The following KCNT2 variants were observed in gnomAD, a reference collection of about 807,000 sequenced individuals.
KCNT2 encodes potassium channel subfamily T member 2.
In KCNT2, 67 loss-of-function variants were observed where a neutral mutation model predicts 153.8. The ratio of observed to expected loss-of-function variants is 0.44; its 90% confidence interval spans 0.36 to 0.53. The LOEUF (loss-of-function observed/expected upper bound fraction) is 0.53. Ranked by LOEUF, KCNT2 falls within the 20% of genes least tolerant of loss-of-function variation. The pLI is 0.00. For synonymous variants in KCNT2, 500 were observed against 458.8 expected (o/e 1.09, Z -1.15); for missense variants, 975 against 1,354.8 (o/e 0.72, Z 4.40).
rs139578473 is a variant in KCNT2 at position 196,279,245 on chromosome 1, T to C, written c.2910+1615A>G. Among the ~76,000 whole-genome samples the C allele has an allele frequency of 1.2e-4, 18 of 152,240 alleles. No individual in the cohort carries two copies. The East Asian group carries it at 3.5e-3, about 29-fold the overall frequency. On this transcript the variant is annotated intron_variant, in intron 25 of 27. Coordinates refer to ENST00000294725, the MANE Select transcript of KCNT2 (RefSeq NM_198503.5). Reference sequence around the variant, plus strand: ...GTTTTGAATCCAGTATTCTTAAAATTTTAGGCATATCTAGACAAACATCTT... The same window carrying C: ...GTTTTGAATCCAGTATTCTTAAAATCTTAGGCATATCTAGACAAACATCTT...
intron 11 of KCNT2, among the ~76,000 whole-genome samples, chr1:196,423,483 GA>G (rs1385710149): frequency 6.6e-6 from 1 of 151,718 alleles, no homozygotes; most frequent in Non-Finnish European, 1.5e-5. Context: ...ATCAAACTAA[GA>G]GGGGTGGAAT....
chr1:196,477,816 G>T (rs754113967), intron 5 of KCNT2, among the ~76,000 whole-genome samples: 1 of 152,200 alleles, frequency 6.6e-6, no homozygotes, highest in African/African-American at 2.4e-5. Context: ...ATCAACATAA[G>T]CCTTAGTTTC....
intron 1 of KCNT2, among the ~76,000 whole-genome samples, chr1:196,494,644 A>C (rs1680116455): frequency 6.6e-6 from 1 of 152,164 alleles, no homozygotes; most frequent in Admixed American, 6.5e-5. Flanking sequence ...GGCGCAGAGG[A>C]GCATTTTTTA....
At chr1:196,252,305 T>A (rs778050317) in intron 26 of KCNT2, among the ~76,000 whole-genome samples, 1 of 151,772 alleles carries the variant, frequency 6.6e-6, no homozygotes, top group African/African-American at 2.4e-5. Flanking sequence ...GCAGACCATA[T>A]GATAACTGTT....
chr1:196,358,955 G>T (rs907537605), intron 14 of KCNT2, among the ~76,000 whole-genome samples: 9 of 151,942 alleles, frequency 5.9e-5, no homozygotes, highest in African/African-American at 1.9e-4. Context: ...AAAGCAAAAA[G>T]AAATTAGACT....
At chr1:196,543,715 G>C (rs998333695) in intron 1 of KCNT2, among the ~76,000 whole-genome samples, 2 of 152,046 alleles carry the variant, frequency 1.3e-5, no homozygotes, top group Non-Finnish European at 2.9e-5. Flanking sequence ...ACACTTATCA[G>C]ATGGCCAAAA....
At chr1:196,259,620 A>G (rs1426916654) in intron 25 of KCNT2, 1 of 151,980 alleles carries the variant, frequency 6.6e-6, no homozygotes, top group Non-Finnish European at 1.5e-5. Context: ...AGATCCAATA[A>G]AATCCTTTAA....
chr1:196,567,567 C>A (rs1178773980), intron 1 of KCNT2, among the ~76,000 whole-genome samples: 1 of 152,158 alleles, frequency 6.6e-6, no homozygotes, highest in Non-Finnish European at 1.5e-5. Context: ...TATTCATTAT[C>A]TGGAAGAATA....
At chr1:196,338,660 A>C (rs1367636519) in intron 16 of KCNT2, among the ~76,000 whole-genome samples, 2 of 151,956 alleles carry the variant, frequency 1.3e-5, no homozygotes, top group Non-Finnish European at 2.9e-5. Context: ...TATATTTAAA[A>C]ATTTTTACTC....
In KCNT2 at chr1:196,375,979, G is replaced by GA. The variant is rs201302057; in HGVS notation, c.1295-2732dup. ...ATCACAGAGAGCTAAAACTCAATCT[G>GA]AAAAATAGAACTGCTTCTATATCTA... On this transcript the variant is annotated intron_variant, in intron 13 of 27. Transcript: ENST00000294725. 1.6e-3 allele frequency among the ~76,000 whole-genome samples: 244 copies of GA among 151,848 alleles called. 6 individuals are homozygous for GA. The East Asian group carries it at 0.042, about 26-fold the overall frequency.
intron 8 of KCNT2, 94 bp from the exon 9 acceptor site, chr1:196,429,851 A>T (rs1673980915): frequency 2.5e-6 from 2 of 784,792 alleles, no homozygotes; most frequent in Non-Finnish European, 4.0e-6. Flanking sequence ...ACATTTCATA[A>T]AGCCATTTAA....
At chr1:196,508,189 CAAAAAAAAAAAA>C (rs10539910) in intron 1 of KCNT2, among the ~76,000 whole-genome samples, 2 of 59,986 alleles carry the variant, frequency 3.3e-5, no homozygotes, top group Non-Finnish European at 6.0e-5. Context: ...CCCTAAGTAG[CAAAAAAAAAAAA>C]AAAAAAAAAA....
At chr1:196,595,437 A>G (rs1192484365) in intron 1 of KCNT2, among the ~76,000 whole-genome samples, 1 of 152,082 alleles carries the variant, frequency 6.6e-6, no homozygotes, top group Non-Finnish European at 1.5e-5. Flanking sequence ...ATATATCTCT[A>G]TCTATGTGCA....
chr1:196,460,122 T>C (rs1677020323), intron 8 of KCNT2, among the ~76,000 whole-genome samples: 1 of 151,792 alleles, frequency 6.6e-6, no homozygotes, highest in Admixed American at 6.6e-5. Context: ...TTGGGGGTTA[T>C]ATGGAGACAA....
intron 1 of KCNT2, among the ~76,000 whole-genome samples, chr1:196,514,739 TAA>T (rs980222593): frequency 2.0e-5 from 3 of 152,148 alleles, no homozygotes; most frequent in Admixed American, 6.6e-5. Flanking sequence ...CATAAAAATA[TAA>T]GATAGTTGAT....
At chr1:196,543,882 G>T (rs1002531711) in intron 1 of KCNT2, among the ~76,000 whole-genome samples, 1 of 152,056 alleles carries the variant, frequency 6.6e-6, no homozygotes, top group Admixed American at 6.6e-5. Flanking sequence ...TCCAGCAGTC[G>T]TACTCAGGCA....
At chr1:196,345,878 C>G (rs564417663) in intron 14 of KCNT2, among the ~76,000 whole-genome samples, 1 of 152,056 alleles carries the variant, frequency 6.6e-6, no homozygotes, top group African/African-American at 2.4e-5. Flanking sequence ...AGTCCCAGTG[C>G]TTACAAGACA....
chr1:196,378,751 C>T (rs1281055263), intron 13 of KCNT2, among the ~76,000 whole-genome samples: 2 of 146,842 alleles, frequency 1.4e-5, no homozygotes, highest in Admixed American at 6.9e-5. Context: ...ATATATAATA[C>T]AATATGTAAT....
At chr1:196,323,964 T>TAA (rs202104374) in intron 19 of KCNT2, among the ~76,000 whole-genome samples, 3 of 137,474 alleles carry the variant, frequency 2.2e-5, no homozygotes, top group Admixed American at 7.4e-5. Flanking sequence ...ATCTAATTGT[T>TAA]AAAAAAAAAA....
Sources: gnomAD v4.1 joint callset for allele counts (sites outside exome capture counted in the v4.1 genomes callset) on GRCh38, gnomAD v4.1.1 for gene constraint, MANE v1.5 for transcripts, NCBI Gene and HGNC (gene_info 2026-07-23, HGNC 2026-07-21) for gene names.